POLA1: variants seen among roughly 807,000 people sequenced by gnomAD.
POLA1 encodes DNA polymerase alpha 1, catalytic subunit.
A neutral mutation model predicts 124.0 loss-of-function variants in POLA1; 15 were observed. The ratio of observed to expected loss-of-function variants is 0.12; its 90% CI spans 0.08 to 0.19. The LOEUF is 0.19. Among genes scored for constraint, POLA1 ranks in the 10% least tolerant of loss-of-function variants. POLA1 has a pLI of 1.00. For missense variants in POLA1, 886 were observed against 1,103.4 expected, an observed-to-expected ratio of 0.80 and a Z score of 2.79; for synonymous variants, 408 against 389.4, an observed-to-expected ratio of 1.05 and a Z score of -0.56.
chrX:24,789,805 G>A (rs1490322668), intron 26 of POLA1, among the ~76,000 whole-genome samples: 2 of 112,038 alleles, frequency 1.8e-5, no homozygotes, highest in African/African-American at 6.5e-5. Flanking sequence ...AAGAACTAAG[G>A]AATAAAATAT....
At chrX:24,931,680 A>G (rs1053248453) in intron 36 of POLA1, among the ~76,000 whole-genome samples, 6 of 112,183 alleles carry the variant, frequency 5.3e-5, no homozygotes, top group Non-Finnish European at 1.1e-4. Flanking sequence ...TATTCTGCCT[A>G]TTAATAACTA....
chrX:24,887,974 G>A (rs2047086871), intron 34 of POLA1, 32 bp from the exon 35 acceptor site: 1 of 881,440 alleles, frequency 1.1e-6, no homozygotes, highest in Non-Finnish European at 1.7e-6. Context: ...TTTGTCGATG[G>A]TGATAAGTCT....
intron 4 of POLA1, among the ~76,000 whole-genome samples, chrX:24,711,328 CTT>C (rs1476660360): frequency 8.9e-6 from 1 of 112,452 alleles, no homozygotes; most frequent in African/African-American, 3.2e-5. Context: ...AGGTTTTGTA[CTT>C]TGCTTTTTTC....
chrX:24,780,934 C>T (rs2045249099), intron 26 of POLA1, among the ~76,000 whole-genome samples: 2 of 111,482 alleles, frequency 1.8e-5, no homozygotes, highest in South Asian at 7.4e-4. Flanking sequence ...ACTATCTGGG[C>T]CTGGACTTTT....
chrX:24,781,580 C>T (rs749322944), intron 26 of POLA1, among the ~76,000 whole-genome samples: 4 of 111,346 alleles, frequency 3.6e-5, no homozygotes, highest in East Asian at 2.8e-4. Context: ...AGAGAAATGT[C>T]GGGTTAGCTC....
Position 24,748,905 on chromosome X carries a change from G to A in POLA1, c.2877G>A (p.Ala959=), listed in dbSNP as rs1224738737. 24 of 1,203,887 alleles carry A rather than the reference G, an allele frequency of 2.0e-5. 1 individual carries two copies. Among genetic ancestry groups the A allele is most frequent in the Middle Eastern group, 4.6e-4 (2 of 4,351 alleles). ...GACAGAAGGCTTTGAAGCTCACAGC[G>A]AACAGTATGTATGGTTGCCTGGGAT... The part of the protein sequence containing the change: ...DIRQKALKLT[A]NSMYGCLGFS... The change falls in exon 26 of 37, where the codon GCG becomes GCA. Residue 959 remains alanine (A), a synonymous_variant. Coordinates refer to ENST00000379068, the MANE Select transcript of POLA1 (RefSeq NM_001330360.2).
chrX:24,778,294 G>T (rs750244770), intron 26 of POLA1, among the ~76,000 whole-genome samples: 3 of 110,936 alleles, frequency 2.7e-5, no homozygotes, highest in African/African-American at 9.8e-5. Flanking sequence ...GCAGTGGCAC[G>T]ATCTCGGCTC....
chrX:24,737,946 G>T lies in POLA1; in HGVS notation c.2040+205G>T, dbSNP rs55653466. ...CTGGTAGTTTTGGCCGGGCGCGGTG[G>T]CTCAAGCCTGTAATCCCAGCACTTT... On this transcript the variant is annotated intron_variant, in intron 19 of 36. Coordinates refer to ENST00000379068, the MANE Select transcript of POLA1 (RefSeq NM_001330360.2). 9.0e-5 allele frequency among the ~76,000 whole-genome samples: 9 copies of T among 99,637 alleles called. 2 individuals carry two copies. The highest frequency in any genetic ancestry group is 3.0e-4 in the African/African-American group (6 of 20,086). The allele number at this position is 99,637 out of a possible 115,157, so 86.5% of individuals were successfully genotyped here. A position where few individuals can be genotyped will look rare whatever the true frequency, so the allele number is the denominator to read the frequency against.
intron 35 of POLA1, among the ~76,000 whole-genome samples, chrX:24,908,273 A>G (rs979843607): frequency 9.1e-6 from 1 of 109,744 alleles, no homozygotes. Flanking sequence ...ATTTTAGGGT[A>G]CACGTGTACA....
chrX:24,996,682 T>C lies in POLA1; in HGVS notation c.*732T>C, dbSNP rs2048611250. Reference sequence around the variant, plus strand: ...TTGATACTCTAACAATCCATTAACATGTGTAGGGGTTACGGTGAGGATCAC... The same window carrying C: ...TTGATACTCTAACAATCCATTAACACGTGTAGGGGTTACGGTGAGGATCAC... On this transcript the variant is annotated 3_prime_UTR_variant, in exon 37 of 37. Transcript: ENST00000379068. 1 of 112,440 alleles carries C rather than the reference T, an allele frequency of 8.9e-6. No homozygotes were observed. Among genetic ancestry groups the C allele is most frequent in the African/African-American group, 3.2e-5 (1 of 30,822 alleles). 9.3% of individuals were successfully genotyped at this position (112,440 alleles called of 1,213,427 possible).
At chrX:24,723,070 C>A in intron 10 of POLA1, 85 bp from the exon 11 acceptor site, 1 of 632,094 alleles carries the variant, frequency 1.6e-6, no homozygotes, top group Non-Finnish European at 2.7e-6. Context: ...AATGTGTGGA[C>A]ACATTCAGTG....
At chrX:24,826,323 A>G in intron 31 of POLA1, 104 bp from the exon 32 acceptor site, 1 of 515,128 alleles carries the variant, frequency 1.9e-6, no homozygotes. Flanking sequence ...ATAAAATTTA[A>G]ATTGTTGCCT....
At chrX:24,833,066 C>CT (rs2046289353) in intron 32 of POLA1, among the ~76,000 whole-genome samples, 1 of 110,900 alleles carries the variant, frequency 9.0e-6, no homozygotes, top group Non-Finnish European at 1.9e-5. Context: ...CCCATCCCAC[C>CT]TTTCCCCCCA....
intron 26 of POLA1, among the ~76,000 whole-genome samples, chrX:24,779,902 T>C (rs1420924429): frequency 8.9e-6 from 1 of 112,161 alleles, no homozygotes; most frequent in Non-Finnish European, 1.9e-5. Flanking sequence ...GGTTGTAACA[T>C]ATATAATTGC....
In POLA1 at chrX:24,893,271, A is replaced by G. The variant is rs978108734; in HGVS notation, c.4164+5149A>G. Reference sequence around the variant, plus strand: ...CTCCAGTAGGGAATGGTGGTTTACCATGAAGGGTCTTTTGGAGCTCTCCTT... The same window carrying G: ...CTCCAGTAGGGAATGGTGGTTTACCGTGAAGGGTCTTTTGGAGCTCTCCTT... On this transcript the variant is annotated intron_variant, in intron 35 of 36. Transcript: ENST00000379068. Among the ~76,000 whole-genome samples the G allele has an allele frequency of 2.7e-5, 3 of 112,311 alleles. 1 individual carries two copies. The South Asian group carries it at 1.1e-3, about 42-fold the overall frequency.
intron 36 of POLA1, among the ~76,000 whole-genome samples, chrX:24,989,910 A>G (rs907879134): frequency 3.6e-5 from 4 of 111,748 alleles, no homozygotes; most frequent in Non-Finnish European, 7.5e-5. Context: ...CAAATGTAGT[A>G]TAGAATCATG....
intron 28 of POLA1, among the ~76,000 whole-genome samples, chrX:24,811,248 CT>C (rs372687014): frequency 0.013 from 1,289 of 98,617 alleles, 12 homozygotes; most frequent in Non-Finnish European, 0.016. Context: ...GCCCAATCCT[CT>C]TTTTTTTTTT....
intron 36 of POLA1, among the ~76,000 whole-genome samples, chrX:24,990,520 G>A (rs1432856568): frequency 8.9e-6 from 1 of 112,256 alleles, no homozygotes; most frequent in Non-Finnish European, 1.9e-5. Flanking sequence ...CTGCAATTAT[G>A]CTCGCACAAA....
chrX:24,767,931 T>C (rs780937515), intron 26 of POLA1, among the ~76,000 whole-genome samples: 1 of 112,289 alleles, frequency 8.9e-6, no homozygotes, highest in African/African-American at 3.2e-5. Flanking sequence ...TTGAGAGAAC[T>C]GAAGTACAGA....
Sources: gnomAD v4.1 joint callset for allele counts (sites outside exome capture counted in the v4.1 genomes callset) on GRCh38, gnomAD v4.1.1 for gene constraint, MANE v1.5 for transcripts, NCBI Gene and HGNC (gene_info 2026-07-23, HGNC 2026-07-21) for gene names.